Variants in RAB38 observed in about 807,000 individuals in gnomAD.
RAB38 encodes ras-related protein Rab-38.
Under a neutral mutation model 18.4 loss-of-function variants are expected in RAB38, and 15 were observed. The observed-to-expected ratio is 0.82, with a 90% confidence interval of 0.55 to 1.26. The LOEUF is 1.26. RAB38 is among the 50% of genes most tolerant of loss of function. The pLI, the probability that RAB38 is intolerant of heterozygous loss-of-function variation, is 0.00. For synonymous variants in RAB38, 101 were observed against 104.4 expected (o/e 0.97, Z 0.20); for missense variants, 294 against 267.4 (o/e 1.10, Z -0.69).
the RAB38 span, among the ~76,000 whole-genome samples, chr11:87,820,627 A>T: frequency 3.9e-5 from 6 of 152,210 alleles, no homozygotes; most frequent in African/African-American, 1.2e-4. Flanking sequence ...ATGAAACTCT[A>T]AGGAAAATAA....
chr11:88,024,655 T>C, the RAB38 span, among the ~76,000 whole-genome samples: 3 of 152,254 alleles, frequency 2.0e-5, no homozygotes, highest in African/African-American at 7.2e-5. Context: ...AGCAGATGAA[T>C]GAATAAAGAA....
At chr11:87,946,400 T>A in the RAB38 span, among the ~76,000 whole-genome samples, 59 of 152,242 alleles carry the variant, frequency 3.9e-4, no homozygotes, top group African/African-American at 1.3e-3. Flanking sequence ...CCGATTTTTT[T>A]AAATTATACT....
the RAB38 span, among the ~76,000 whole-genome samples, chr11:87,956,992 G>GTCCTCATT: frequency 6.6e-6 from 1 of 151,246 alleles, no homozygotes; most frequent in Non-Finnish European, 1.5e-5. Flanking sequence ...TTGGGGGGGG[G>GTCCTCATT]TCCTTGAGTC....
At chr11:87,958,595 G>C in the RAB38 span, among the ~76,000 whole-genome samples, 3 of 152,108 alleles carry the variant, frequency 2.0e-5, no homozygotes, top group Non-Finnish European at 2.9e-5. Flanking sequence ...TGTGAGGGAA[G>C]GAAGTAGACA....
At chr11:88,066,910 G>A in the RAB38 span, among the ~76,000 whole-genome samples, 1 of 152,142 alleles carries the variant, frequency 6.6e-6, no homozygotes, top group Non-Finnish European at 1.5e-5. Flanking sequence ...AAAGTTCCCT[G>A]AGGCCCTCTT....
the RAB38 span, among the ~76,000 whole-genome samples, chr11:88,037,100 G>A: frequency 4.6e-5 from 7 of 152,016 alleles, no homozygotes; most frequent in Non-Finnish European, 8.8e-5. Context: ...TCTAGTTTGA[G>A]TGATTTTTGA....
the RAB38 span, among the ~76,000 whole-genome samples, chr11:87,864,572 T>A: frequency 6.6e-6 from 1 of 151,708 alleles, no homozygotes; most frequent in Non-Finnish European, 1.5e-5. Context: ...TTATCTTACT[T>A]TTTTGACAGC....
the RAB38 span, among the ~76,000 whole-genome samples, chr11:87,945,808 T>C: frequency 6.6e-6 from 1 of 152,182 alleles, no homozygotes; most frequent in Non-Finnish European, 1.5e-5. Flanking sequence ...GCTGCCCTGC[T>C]ACACTTGGCG....
At chr11:87,838,896 C>T in the RAB38 span, among the ~76,000 whole-genome samples, 1 of 152,312 alleles carries the variant, frequency 6.6e-6, no homozygotes, top group East Asian at 1.9e-4. Context: ...CATAACAACC[C>T]TGGTGAATTT....
the RAB38 span, among the ~76,000 whole-genome samples, chr11:87,946,791 T>A: frequency 6.6e-6 from 1 of 152,244 alleles, no homozygotes; most frequent in African/African-American, 2.4e-5. Flanking sequence ...AGGCTATCAT[T>A]GTTGGACATT....
the RAB38 span, among the ~76,000 whole-genome samples, chr11:88,053,755 C>T: frequency 6.7e-6 from 1 of 149,760 alleles, no homozygotes; most frequent in Non-Finnish European, 1.5e-5. Context: ...TACTTTAGTT[C>T]TTAACCAGGT....
At chr11:88,004,396 C>G in the RAB38 span, among the ~76,000 whole-genome samples, 5 of 150,946 alleles carry the variant, frequency 3.3e-5, no homozygotes, top group Admixed American at 6.6e-5. Flanking sequence ...GATCACCACA[C>G]ACAAAAAAAG....
At chr11:88,044,287 C>G in the RAB38 span, among the ~76,000 whole-genome samples, 1 of 152,056 alleles carries the variant, frequency 6.6e-6, no homozygotes, top group East Asian at 1.9e-4. Flanking sequence ...TGGGGAGGAA[C>G]CCCCGACCCC....
At chr11:88,125,596 G>C (rs61909918) in intron 2 of RAB38, among the ~76,000 whole-genome samples, 1 of 152,058 alleles carries the variant, frequency 6.6e-6, no homozygotes, top group African/African-American at 2.4e-5. Flanking sequence ...TTTGAGTTCT[G>C]TGTAGATTCT....
At chr11:88,164,704 G>C (rs762342956) in intron 1 of RAB38, among the ~76,000 whole-genome samples, 17 of 151,994 alleles carry the variant, frequency 1.1e-4, no homozygotes, top group Non-Finnish European at 5.9e-5. Context: ...AGGATTGTTA[G>C]GTAGTGCTTT....
At chr11:88,069,965 C>G in the RAB38 span, among the ~76,000 whole-genome samples, 1 of 152,200 alleles carries the variant, frequency 6.6e-6, no homozygotes, top group Non-Finnish European at 1.5e-5. Flanking sequence ...AATCAGTGCT[C>G]TGTAAAATGG....
At chr11:88,032,829 G>T in the RAB38 span, among the ~76,000 whole-genome samples, 1 of 152,172 alleles carries the variant, frequency 6.6e-6, no homozygotes, top group Non-Finnish European at 1.5e-5. Flanking sequence ...CGATTCCTCA[G>T]GGATCTAGAA....
chr11:88,135,536 A>G (rs1942825840), intron 2 of RAB38, among the ~76,000 whole-genome samples: 1 of 152,368 alleles, frequency 6.6e-6, no homozygotes, highest in African/African-American at 2.4e-5. Context: ...AAGATATATA[A>G]TGGCATGCCA....
the RAB38 span, among the ~76,000 whole-genome samples, chr11:88,038,194 G>A: frequency 6.6e-6 from 1 of 152,094 alleles, no homozygotes; most frequent in African/African-American, 2.4e-5. Context: ...CATGAGCTGG[G>A]GTTTTCCCCA....
Sources: allele counts gnomAD v4.1 joint callset (sites outside exome capture counted in the v4.1 genomes callset), GRCh38; gene constraint gnomAD v4.1.1; transcripts MANE v1.5; gene names NCBI Gene and HGNC (gene_info 2026-07-23, HGNC 2026-07-21).